The following ROBO2 variants were observed in gnomAD, a reference collection of about 807,000 sequenced individuals.
The protein encoded by ROBO2 is roundabout homolog 2.
In ROBO2, 53 loss-of-function variants were observed where a neutral mutation model predicts 160.8. The observed-to-expected ratio is 0.33, with a 90% CI of 0.26 to 0.41. The LOEUF is 0.41. Ranked by LOEUF, ROBO2 falls within the 10% of genes least tolerant of loss-of-function variation. ROBO2 has a pLI of 1.00. For missense variants in ROBO2, 1,577 were observed against 1,722.4 expected, an observed-to-expected ratio of 0.92 and a Z score of 1.49; for synonymous variants, 664 against 611.7, an observed-to-expected ratio of 1.09 and a Z score of -1.26.
In ROBO2 at chr3:77,413,240, A is replaced by G. The variant is rs941415026; in HGVS notation, c.389-64174A>G. ...GGATGAAACTCTAAGGTTTGGGGGT[A>G]AAAAAGAAAAAAAAAGTATGTAGGA... On this transcript the variant is annotated intron_variant, in intron 2 of 25. Coordinates refer to ENST00000461745, the Ensembl canonical transcript of ROBO2. Among the ~76,000 whole-genome samples the G allele has an allele frequency of 2.6e-5, 4 of 152,110 alleles. No homozygotes were observed. In the East Asian group the frequency reaches 5.8e-4, roughly 22 times the overall value.
intron 2 of ROBO2, among the ~76,000 whole-genome samples, chr3:75,945,082 A>G (rs1465068874): frequency 2.0e-5 from 3 of 152,122 alleles, no homozygotes; most frequent in Non-Finnish European, 4.4e-5. Flanking sequence ...ATATTTCTAT[A>G]TTCAAAAATT....
In ROBO2 at chr3:77,577,482, C is replaced by T. The variant is rs1233381001; in HGVS notation, c.2204-8C>T. 1 of 1,613,116 alleles carries T rather than the reference C, an allele frequency of 6.2e-7. No homozygotes were observed. The highest frequency in any genetic ancestry group is 1.3e-5 in the African/African-American group (1 of 74,852). On this transcript the variant is annotated splice_polypyrimidine_tract_variant and splice_region_variant and intron_variant, in intron 14 of 25. Transcript: ENST00000461745. ...AGTTTGCATTTATTCTAATTACTTCCTCTACAGCCCCAAGTGCCCCACCAC... is the reference window on the plus strand; with the variant it reads ...AGTTTGCATTTATTCTAATTACTTCTTCTACAGCCCCAAGTGCCCCACCAC...
intron 2 of ROBO2, among the ~76,000 whole-genome samples, chr3:76,911,842 C>T (rs2148934968): frequency 6.6e-6 from 1 of 152,202 alleles, no homozygotes; most frequent in Non-Finnish European, 1.5e-5. Context: ...TGGCGCATGC[C>T]TGTAATCCCA....
intron 2 of ROBO2, among the ~76,000 whole-genome samples, chr3:75,984,886 G>A (rs1484044523): frequency 6.6e-6 from 1 of 151,274 alleles, no homozygotes; most frequent in African/African-American, 2.4e-5. Flanking sequence ...TTTGTATAAT[G>A]TACTGGTTTA....
intron 2 of ROBO2, among the ~76,000 whole-genome samples, chr3:77,217,300 G>A (rs894918674): frequency 5.9e-5 from 9 of 151,970 alleles, no homozygotes; most frequent in South Asian, 2.1e-4. Flanking sequence ...ACATCACCAC[G>A]CCTGGCTACT....
chr3:76,512,277 T>C (rs2081130640), intron 2 of ROBO2, among the ~76,000 whole-genome samples: 1 of 149,364 alleles, frequency 6.7e-6, no homozygotes, highest in South Asian at 2.1e-4. Flanking sequence ...CTTATATATA[T>C]ATATGGAATA....
rs569322917 is a variant in ROBO2 at position 76,685,775 on chromosome 3, A to G, written c.110-412239A>G. ...GAGCCTGAATATTTTCTTTGCAATT[A>G]ATCCTTAGACAAAGTAAATGAATAT... is the stretch of plus-strand genomic sequence containing the variant. On this transcript the variant is annotated intron_variant, in intron 2 of 26. Transcript: ENST00000487694. 1.1e-4 allele frequency among the ~76,000 whole-genome samples: 16 copies of G among 152,284 alleles called. No homozygotes were observed. In the South Asian group the frequency reaches 3.3e-3, roughly 32 times the overall value.
At chr3:76,473,361 A>T (rs987875970) in intron 2 of ROBO2, among the ~76,000 whole-genome samples, 2 of 152,080 alleles carry the variant, frequency 1.3e-5, no homozygotes, top group Non-Finnish European at 2.9e-5. Context: ...ATTCATTTTG[A>T]TGTGTAATGG....
intron 2 of ROBO2, among the ~76,000 whole-genome samples, chr3:76,459,560 G>A (rs1378069320): frequency 6.6e-6 from 1 of 152,010 alleles, no homozygotes; most frequent in Non-Finnish European, 1.5e-5. Flanking sequence ...TGTTCATATT[G>A]CATTGCGTGG....
intron 2 of ROBO2, among the ~76,000 whole-genome samples, chr3:76,111,541 G>C (rs946847853): frequency 2.0e-5 from 3 of 152,078 alleles, no homozygotes; most frequent in Non-Finnish European, 4.4e-5. Context: ...GCCAGTGCCA[G>C]AATTTTCTCC....
intron 2 of ROBO2, among the ~76,000 whole-genome samples, chr3:76,205,021 C>T (rs1032710854): frequency 3.9e-5 from 6 of 152,040 alleles, no homozygotes; most frequent in East Asian, 1.9e-4. Flanking sequence ...ATCACTGAGA[C>T]GAAGTTACCC....
chr3:76,116,768 C>T (rs2070488297), intron 2 of ROBO2, among the ~76,000 whole-genome samples: 1 of 152,120 alleles, frequency 6.6e-6, no homozygotes, highest in Admixed American at 6.6e-5. Flanking sequence ...TGTTGTCAGC[C>T]AGAAGTTTCC....
intron 2 of ROBO2, among the ~76,000 whole-genome samples, chr3:76,133,071 G>A (rs1267393083): frequency 1.3e-5 from 2 of 151,776 alleles, no homozygotes; most frequent in African/African-American, 4.8e-5. Flanking sequence ...AATAATACTG[G>A]GAACATAGTA....
chr3:76,954,712 T>C (rs552674357), intron 2 of ROBO2, among the ~76,000 whole-genome samples: 1 of 152,312 alleles, frequency 6.6e-6, no homozygotes, highest in East Asian at 1.9e-4. Context: ...AATGATTTTA[T>C]TGTCATGAAA....
chr3:76,932,221 C>T (rs535268016), intron 2 of ROBO2, among the ~76,000 whole-genome samples: 31 of 151,772 alleles, frequency 2.0e-4, no homozygotes, highest in Middle Eastern at 6.9e-3. Context: ...GAAATTTTTA[C>T]AATAAGAGAA....
intron 5 of ROBO2, among the ~76,000 whole-genome samples, chr3:77,503,449 G>A (rs925892021): frequency 6.6e-6 from 1 of 150,968 alleles, no homozygotes; most frequent in East Asian, 1.9e-4. Flanking sequence ...GCGTCAACCC[G>A]GGAGGCAGAG....
chr3:77,385,213 T>G (rs2073975054), intron 2 of ROBO2, among the ~76,000 whole-genome samples: 1 of 152,062 alleles, frequency 6.6e-6, no homozygotes, highest in South Asian at 2.1e-4. Flanking sequence ...ATATTTTTGG[T>G]AGAGAGGAGG....
intron 2 of ROBO2, among the ~76,000 whole-genome samples, chr3:75,987,350 G>T (rs1052384970): frequency 6.6e-6 from 1 of 151,896 alleles, no homozygotes; most frequent in South Asian, 2.1e-4. Flanking sequence ...ATTGTTCATT[G>T]TTAGTAAGTA....
intron 2 of ROBO2, among the ~76,000 whole-genome samples, chr3:77,362,323 G>C (rs2070146622): frequency 6.6e-6 from 1 of 152,134 alleles, no homozygotes; most frequent in Non-Finnish European, 1.5e-5. Flanking sequence ...CCAAGAAGTA[G>C]AGTGGGGGTC....
Sources: allele counts gnomAD v4.1 joint callset (sites outside exome capture counted in the v4.1 genomes callset), GRCh38; gene constraint gnomAD v4.1.1; transcripts MANE v1.5; gene names NCBI Gene and HGNC (gene_info 2026-07-23, HGNC 2026-07-21).